Variants in DBF4 observed in about 807,000 individuals in gnomAD.
The protein encoded by DBF4 is DBF4-CDC7 kinase regulatory subunit.
A neutral mutation model predicts 76.6 loss-of-function variants in DBF4; 25 were observed. The ratio of observed to expected loss-of-function variants is 0.33; its 90% CI spans 0.24 to 0.46. The LOEUF is 0.46. Ranked by LOEUF, DBF4 falls within the 20% of genes least tolerant of loss-of-function variation. The pLI is 1.00. For missense variants in DBF4, 638 were observed against 760.8 expected (o/e 0.84, Z 1.90); for synonymous variants, 213 against 258.0 (o/e 0.83, Z 1.67).
In DBF4 at chr7:87,900,867, G is replaced by C; in HGVS notation, c.913G>C (p.Asp305His). 1 of 1,611,784 alleles carries C rather than the reference G, an allele frequency of 6.2e-7. No individual in the cohort carries two copies. The highest frequency in any genetic ancestry group is 1.7e-5 in the Admixed American group (1 of 59,816). ...YCECCLQKYE[D>H]LETHLLSEQH... ...TGAATGTTGCTTGCAGAAATATGAA[G>C]ATCTAGAAACTGTAAATGTGATTTT... is the stretch of plus-strand genomic sequence containing the variant. The change falls in exon 10 of 12, where the codon GAT (aspartate) becomes CAT (histidine). Residue 305 changes from aspartate to histidine, a missense_variant. Transcript: ENST00000265728.
chr7:87,904,225 T>C, intron 10 of DBF4, 67 bp from the exon 11 acceptor site: 1 of 1,495,360 alleles, frequency 6.7e-7, no homozygotes, highest in Non-Finnish European at 9.0e-7. Flanking sequence ...TTAGAAAACC[T>C]TAATTAAAAA....
Position 87,876,804 on chromosome 7 carries a change from G to T in DBF4, c.46+26G>T, listed in dbSNP as rs751991120. 18 of 1,613,170 alleles carry T rather than the reference G, an allele frequency of 1.1e-5. No individual in the cohort carries two copies. The South Asian group carries it at 1.8e-4, about 16-fold the overall frequency. Reference sequence around the variant, plus strand: ...GTAAGAAGCCCCTCCTCCGCCTGCAGTCCCTTTAATCCTTTCCTCCCCTCG... The same window carrying T: ...GTAAGAAGCCCCTCCTCCGCCTGCATTCCCTTTAATCCTTTCCTCCCCTCG... On this transcript the variant is annotated intron_variant, in intron 1 of 11. Coordinates refer to ENST00000265728, the MANE Select transcript of DBF4 (RefSeq NM_006716.4).
In DBF4 at chr7:87,898,518, G is replaced by A. The variant is rs554416670; in HGVS notation, c.680+1179G>A. Among the ~76,000 whole-genome samples, 10 of 152,168 alleles carry A rather than the reference G, an allele frequency of 6.6e-5. No individual in the cohort carries two copies. In the East Asian group the frequency reaches 9.7e-4, roughly 15 times the overall value. Reference sequence around the variant, plus strand: ...TTAAAAATAACAACAAAGGCCAGGCGCGGTGGCTCACTCCTGTAATCCTAG... The same window carrying A: ...TTAAAAATAACAACAAAGGCCAGGCACGGTGGCTCACTCCTGTAATCCTAG... On this transcript the variant is annotated intron_variant, in intron 8 of 11. Coordinates refer to ENST00000265728, the MANE Select transcript of DBF4 (RefSeq NM_006716.4).
Position 87,905,096 on chromosome 7 carries a change from G to A in DBF4, c.1049+680G>A, listed in dbSNP as rs559803602. On this transcript the variant is annotated intron_variant, in intron 11 of 11. Transcript: ENST00000265728. ...CTCCTGAGTAGTTGGGATTACAGGC[G>A]TGTGCCACTACACCCCACTAATTAG... 3.0e-4 allele frequency among the ~76,000 whole-genome samples: 46 copies of A among 152,226 alleles called. No homozygotes were observed. In the South Asian group the frequency reaches 3.1e-3, roughly 10 times the overall value.
intron 7 of DBF4, among the ~76,000 whole-genome samples, chr7:87,896,806 A>G (rs897035899): frequency 6.6e-6 from 1 of 152,204 alleles, no homozygotes; most frequent in Non-Finnish European, 1.5e-5. Flanking sequence ...TTTTTATTAC[A>G]CAGAACAGAT....
intron 6 of DBF4, among the ~76,000 whole-genome samples, chr7:87,894,272 A>G (rs1323011006): frequency 6.6e-6 from 1 of 152,192 alleles, no homozygotes; most frequent in Non-Finnish European, 1.5e-5. Flanking sequence ...CCTGGGCAAC[A>G]TGGTGAAACC....
chr7:87,904,944 C>G (rs2131077744), intron 11 of DBF4, among the ~76,000 whole-genome samples: 1 of 152,120 alleles, frequency 6.6e-6, no homozygotes, highest in Admixed American at 6.5e-5. Context: ...TAAAACTTTT[C>G]CTTTTTTAAA....
At chr7:87,895,505 G>A (rs1397516120) in intron 6 of DBF4, among the ~76,000 whole-genome samples, 1 of 151,966 alleles carries the variant, frequency 6.6e-6, no homozygotes, top group Admixed American at 6.6e-5. Flanking sequence ...TGTTTTAGCG[G>A]ACAGTCATCC....
At chr7:87,889,279 T>TG (rs1268177618) in intron 6 of DBF4, among the ~76,000 whole-genome samples, 2 of 145,496 alleles carry the variant, frequency 1.4e-5, no homozygotes, top group African/African-American at 5.0e-5. Context: ...CTTGAACAAT[T>TG]TTTTTTTTTT....
At chr7:87,882,401 T>C (rs1431267223) in intron 2 of DBF4, among the ~76,000 whole-genome samples, 1 of 152,172 alleles carries the variant, frequency 6.6e-6, no homozygotes, top group Non-Finnish European at 1.5e-5. Flanking sequence ...CTTCATGACA[T>C]TGGATTTGGC....
Position 87,884,884 on chromosome 7 carries a change from C to T in DBF4, c.220-95C>T, listed in dbSNP as rs1251574556. ...AACAGGGGGTTGAGGCTGCAGTGAG[C>T]TATGATTGTGCCACTGCACTCTAGC... On this transcript the variant is annotated intron_variant, in intron 2 of 11. Transcript: ENST00000265728. 3.3e-6 allele frequency: 3 copies of T among 909,736 alleles called. No individual in the cohort carries two copies. The East Asian group carries it at 8.0e-5, about 24-fold the overall frequency. The allele number at this position is 909,736 out of a possible 1,614,324, so 56.4% of individuals were successfully genotyped here.
chr7:87,894,615 A>G (rs1216466933), intron 6 of DBF4, among the ~76,000 whole-genome samples: 1 of 152,180 alleles, frequency 6.6e-6, no homozygotes, highest in Non-Finnish European at 1.5e-5. Context: ...CATGTTTTAG[A>G]GCAAATCTGG....
chr7:87,887,942 G>T lies in DBF4; in HGVS notation c.521-41G>T, dbSNP rs201584178. The T allele has an allele frequency of 2.1e-4, 305 of 1,474,098 alleles. No homozygotes were observed. The African/African-American group carries it at 4.1e-3, about 20-fold the overall frequency. 91.3% of individuals were successfully genotyped at this position (1,474,098 alleles called of 1,614,324 possible). A position where few individuals can be genotyped will look rare whatever the true frequency, so the allele number is the denominator to read the frequency against. ...AAAATATCACTGTTTAACTCCAAGAGTAAAATTGCTAATCTTAAAACCTTC... is the reference window on the plus strand; with the variant it reads ...AAAATATCACTGTTTAACTCCAAGATTAAAATTGCTAATCTTAAAACCTTC... On this transcript the variant is annotated intron_variant, in intron 5 of 11. Coordinates refer to ENST00000265728, the MANE Select transcript of DBF4 (RefSeq NM_006716.4).
chr7:87,877,196 G>A (rs969307358), intron 1 of DBF4, among the ~76,000 whole-genome samples: 1 of 152,222 alleles, frequency 6.6e-6, no homozygotes, highest in Non-Finnish European at 1.5e-5. Context: ...ATTAGATTGA[G>A]TGATTGTGGG....
chr7:87,904,214 G>C lies in DBF4; in HGVS notation c.925-78G>C, dbSNP rs1037810094. ...AACCTAATTTTAGGGGCATGAGAAT[G>C]TTAGAAAACCTTAATTAAAAAGGCA... On this transcript the variant is annotated intron_variant, in intron 10 of 11. Coordinates refer to ENST00000265728, the MANE Select transcript of DBF4 (RefSeq NM_006716.4). The C allele has an allele frequency of 5.5e-6, 8 of 1,443,120 alleles. No homozygotes were observed. In the African/African-American group the frequency reaches 1.2e-4, roughly 21 times the overall value. 89.4% of individuals were successfully genotyped at this position (1,443,120 alleles called of 1,614,324 possible). A position where few individuals can be genotyped will look rare whatever the true frequency, so the allele number is the denominator to read the frequency against.
At chr7:87,901,649 A>T (rs1369456205) in intron 10 of DBF4, among the ~76,000 whole-genome samples, 1 of 152,238 alleles carries the variant, frequency 6.6e-6, no homozygotes, top group African/African-American at 2.4e-5. Context: ...AAGGGTATAT[A>T]GGATGAAAAT....
At chr7:87,887,901 C>A in intron 5 of DBF4, 82 bp from the exon 6 acceptor site, 2 of 1,280,054 alleles carry the variant, frequency 1.6e-6, no homozygotes, top group Non-Finnish European at 2.1e-6. Context: ...AATTCTTTAT[C>A]TAATTTAACT....
chr7:87,884,901 C>A, intron 2 of DBF4, 78 bp from the exon 3 acceptor site: 1 of 1,091,212 alleles, frequency 9.2e-7, no homozygotes, highest in Non-Finnish European at 1.3e-6. Context: ...TGTGCCACTG[C>A]ACTCTAGCCT....
At chr7:87,901,538 A>G (rs1839789059) in intron 10 of DBF4, among the ~76,000 whole-genome samples, 1 of 152,198 alleles carries the variant, frequency 6.6e-6, no homozygotes, top group Admixed American at 6.5e-5. Flanking sequence ...AGTATTTTGA[A>G]CCTTAGCAAT....
Sources: gnomAD v4.1 joint callset for allele counts (sites outside exome capture counted in the v4.1 genomes callset) on GRCh38, gnomAD v4.1.1 for gene constraint, MANE v1.5 for transcripts, NCBI Gene and HGNC (gene_info 2026-07-23, HGNC 2026-07-21) for gene names.